CELF2: variants seen among roughly 807,000 people sequenced by gnomAD.
CELF2 encodes CUG triplet repeat RNA-binding protein 2.
In CELF2, 8 loss-of-function variants were observed where a neutral mutation model predicts 62.6. The observed-to-expected ratio is 0.13, with a 90% confidence interval of 0.07 to 0.23. The LOEUF is 0.23. Ranked by LOEUF, CELF2 falls within the 10% of genes least tolerant of loss-of-function variation. CELF2 has a pLI of 1.00. For synonymous variants in CELF2, 258 were observed against 250.0 expected (o/e 1.03, Z -0.30); for missense variants, 333 against 671.0 (o/e 0.50, Z 5.56).
At chr10:11,089,084 C>T (rs2047601886) in intron 1 of CELF2, among the ~76,000 whole-genome samples, 1 of 152,184 alleles carries the variant, frequency 6.6e-6, no homozygotes, top group Non-Finnish European at 1.5e-5. Context: ...AAAAGTTGAA[C>T]AGTGCCACTT....
At chr10:10,927,820 C>A (rs1564833622) in intron 2 of CELF2, among the ~76,000 whole-genome samples, 1 of 152,120 alleles carries the variant, frequency 6.6e-6, no homozygotes, top group Non-Finnish European at 1.5e-5. Context: ...TTGAATTGGT[C>A]CTTCCCACTT....
the CELF2 span, among the ~76,000 whole-genome samples, chr10:10,640,690 T>C: frequency 3.3e-5 from 5 of 152,208 alleles, no homozygotes; most frequent in Non-Finnish European, 7.3e-5. Flanking sequence ...GGATGGACAT[T>C]AAAATGAAAT....
chr10:11,132,747 T>A (rs2059806538), intron 1 of CELF2, among the ~76,000 whole-genome samples: 1 of 152,180 alleles, frequency 6.6e-6, no homozygotes, highest in Non-Finnish European at 1.5e-5. Context: ...CAGTGTTACA[T>A]AATCACACGT....
At chr10:11,065,046 A>G (rs1266850593) in intron 1 of CELF2, among the ~76,000 whole-genome samples, 2 of 152,214 alleles carry the variant, frequency 1.3e-5, no homozygotes, top group African/African-American at 4.8e-5. Flanking sequence ...ATCGAAGTGA[A>G]GTTCCCTGCT....
At chr10:11,026,903 TAGG>T (rs1012136762) in intron 1 of CELF2, among the ~76,000 whole-genome samples, 11 of 152,256 alleles carry the variant, frequency 7.2e-5, no homozygotes, top group Admixed American at 3.9e-4. Flanking sequence ...TCCTACATTA[TAGG>T]AGGAGTGTTG....
the CELF2 span, among the ~76,000 whole-genome samples, chr10:10,632,153 C>G: frequency 1.3e-5 from 2 of 152,140 alleles, no homozygotes. Context: ...AGTCTCATCA[C>G]TAAAACTAGA....
intron 9 of CELF2, among the ~76,000 whole-genome samples, chr10:11,292,485 A>T (rs964675805): frequency 1.3e-5 from 2 of 152,216 alleles, no homozygotes; most frequent in East Asian, 3.8e-4. Context: ...TCAGAGGAGA[A>T]CTTGCATTAG....
rs2046638986 is a variant in CELF2 at position 10,938,242 on chromosome 10, A to G, written c.89+18243A>G. On this transcript the variant is annotated intron_variant, in intron 2 of 13. Coordinates refer to the CELF2 transcript ENST00000636488. This position sits in a 1 kb window ranked among gnomAD's most constrained non-coding sequence, Gnocchi z 4.2. Reference sequence around the variant, plus strand: ...ATTCAAGTAAAGTTTACCAAGAACAACTGGTTTGATTCAAGGTATTATATT... The same window carrying G: ...ATTCAAGTAAAGTTTACCAAGAACAGCTGGTTTGATTCAAGGTATTATATT... Among the ~76,000 whole-genome samples, 2 of 152,238 alleles carry G rather than the reference A, an allele frequency of 1.3e-5. No individual in the cohort carries two copies. The highest frequency in any genetic ancestry group is 1.3e-4 in the Admixed American group (2 of 15,282).
chr10:11,025,207 ATGTGTGTGTGTG>A (rs372783836), intron 1 of CELF2, among the ~76,000 whole-genome samples: 1 of 141,252 alleles, frequency 7.1e-6, no homozygotes, highest in South Asian at 2.3e-4. Context: ...ATATACATAT[ATGTGTGTGTGTG>A]TGTGTGTGTG....
intron 1 of CELF2, chr10:11,092,512 A>G (rs2048601243): frequency 6.6e-6 from 1 of 152,242 alleles, no homozygotes; most frequent in African/African-American, 2.4e-5. Flanking sequence ...GCGCCTTCAT[A>G]AGGAAATGAA....
intron 1 of CELF2, among the ~76,000 whole-genome samples, chr10:10,815,933 G>A (rs1160130581): frequency 2.1e-5 from 3 of 144,190 alleles, no homozygotes; most frequent in Non-Finnish European, 4.5e-5. Flanking sequence ...CCATAAATTG[G>A]CCTAAATCCC....
chr10:11,197,824 A>T (rs1232882732), intron 2 of CELF2, among the ~76,000 whole-genome samples: 3 of 152,200 alleles, frequency 2.0e-5, no homozygotes, highest in Non-Finnish European at 2.9e-5. Context: ...GCATTTCTTT[A>T]TGAGGACTCT....
the CELF2 span, among the ~76,000 whole-genome samples, chr10:10,560,512 C>T: frequency 6.6e-6 from 1 of 152,164 alleles, no homozygotes; most frequent in Non-Finnish European, 1.5e-5. Context: ...GATTCACTCA[C>T]CGGTTCCCTC....
chr10:10,776,288 A>T, the CELF2 span: 1 of 153,242 alleles, frequency 6.5e-6, no homozygotes, highest in Non-Finnish European at 1.5e-5. Context: ...CTCAGGAGAG[A>T]AGCCGTGCTT....
At chr10:11,014,514 T>C (rs1208503281), upstream of CELF2, among the ~76,000 whole-genome samples, 1 of 152,186 alleles carries the variant, frequency 6.6e-6, no homozygotes, top group African/African-American at 2.4e-5. Context: ...CAGTGGACTG[T>C]ATTCTGGTTC....
chr10:10,981,749 A>G lies in CELF2; in HGVS notation c.89+61750A>G, dbSNP rs192261168. Among the ~76,000 whole-genome samples, 10 of 152,296 alleles carry G rather than the reference A, an allele frequency of 6.6e-5. No individual in the cohort carries two copies. The East Asian group carries it at 1.7e-3, about 26-fold the overall frequency. ...ATTGTGCACTTTCTATGTGCCCGGCATTGTGCCAAGGCCTTTTCATGTATT... is the reference window on the plus strand; with the variant it reads ...ATTGTGCACTTTCTATGTGCCCGGCGTTGTGCCAAGGCCTTTTCATGTATT... On this transcript the variant is annotated intron_variant, in intron 2 of 13. Transcript: ENST00000636488.
Position 10,997,653 on chromosome 10 carries a change from C to A in CELF2, c.89+77654C>A, listed in dbSNP as rs562784823. Among the ~76,000 whole-genome samples, 1 of 152,166 alleles carries A rather than the reference C, an allele frequency of 6.6e-6. No homozygotes were observed. The highest frequency in any genetic ancestry group is 1.5e-5 in the Non-Finnish European group (1 of 68,032). On this transcript the variant is annotated intron_variant, in intron 2 of 13. Transcript: ENST00000636488. This position sits in a 1 kb window ranked among gnomAD's most constrained non-coding sequence, Gnocchi z 5.3. ...AGGGAGTTGCTTGTGCCTTTGCTTC[C>A]TCTAAAAATAGCAAGAATAAATTCG...
chr10:11,171,971 T>TTAAGTAA (rs1426388433), intron 2 of CELF2, among the ~76,000 whole-genome samples: 4 of 152,242 alleles, frequency 2.6e-5, no homozygotes, highest in African/African-American at 9.6e-5. Flanking sequence ...GAAAGTTCAC[T>TTAAGTAA]TAAGTAATAG....
chr10:10,815,286 G>A (rs1383025714), intron 1 of CELF2, among the ~76,000 whole-genome samples: 1 of 152,128 alleles, frequency 6.6e-6, no homozygotes, highest in Non-Finnish European at 1.5e-5. Context: ...TGGGCAACTG[G>A]CCTTGTGCTG....
Sources: gnomAD v4.1 joint callset for allele counts (sites outside exome capture counted in the v4.1 genomes callset) on GRCh38, gnomAD v4.1.1 for gene constraint, Gnocchi (gnomAD v3.1) non-coding constraint, MANE v1.5 for transcripts, NCBI Gene and HGNC (gene_info 2026-07-23, HGNC 2026-07-21) for gene names.